GPR107: variants seen among roughly 807,000 people sequenced by gnomAD.
GPR107 encodes protein GPR107.
A neutral mutation model predicts 75.5 loss-of-function variants in GPR107; 31 were observed. The observed-to-expected ratio is 0.41, with a 90% CI of 0.31 to 0.55. The LOEUF (loss-of-function observed/expected upper bound fraction) is 0.55. GPR107 is among the 20% of genes least tolerant of loss of function. The pLI, the probability that GPR107 is intolerant of heterozygous loss-of-function variation, is 0.26. For missense variants in GPR107, 572 were observed against 665.7 expected, an observed-to-expected ratio of 0.86 and a Z score of 1.55; for synonymous variants, 267 against 251.3, an observed-to-expected ratio of 1.06 and a Z score of -0.59.
Position 130,123,192 on chromosome 9 carries a change from G to A in GPR107, c.1307-1723G>A, listed in dbSNP as rs555970306. Among the ~76,000 whole-genome samples, 10 of 152,098 alleles carry A rather than the reference G, an allele frequency of 6.6e-5. No homozygotes were observed. The South Asian group carries it at 2.1e-3, about 32-fold the overall frequency. On this transcript the variant is annotated intron_variant, in intron 14 of 17. Coordinates refer to ENST00000347136, the MANE Select transcript of GPR107 (RefSeq NM_020960.5). ...CAAGTAGCTGGGACCACAGGTACGT[G>A]CCATCACAAACAGCTAAATTTTTTT...
chr9:130,133,462 T>G (rs1380651825), intron 17 of GPR107, among the ~76,000 whole-genome samples: 1 of 152,150 alleles, frequency 6.6e-6, no homozygotes, highest in Non-Finnish European at 1.5e-5. Flanking sequence ...TTCTTTGTGG[T>G]CTCAGTCACT....
intron 1 of GPR107, among the ~76,000 whole-genome samples, chr9:130,071,053 TGAGACA>T (rs1830196607): frequency 6.8e-6 from 1 of 147,044 alleles, no homozygotes; most frequent in Non-Finnish European, 1.5e-5. Flanking sequence ...TTTTTTTTTT[TGAGACA>T]GAGTCACACT....
At chr9:130,108,721 T>C in intron 14 of GPR107, 1 of 456,006 alleles carries the variant, frequency 2.2e-6, no homozygotes, top group East Asian at 7.0e-5. Context: ...TTCTTTCTAG[T>C]CCTGGGAATA....
Position 130,055,972 on chromosome 9 carries a change from A to AATAAATAAATGC in GPR107, c.141+1901_141+1902insAAATAAATGCAT, listed in dbSNP as rs1490935275. Among the ~76,000 whole-genome samples, 5 of 151,592 alleles carry AATAAATAAATGC rather than the reference A, an allele frequency of 3.3e-5. No individual in the cohort carries two copies. The East Asian group carries it at 9.7e-4, about 29-fold the overall frequency. ...AAATAAATAAATAAATAAATAAATA[A>AATAAATAAATGC]ATGCAAGCCTGACTGGATCCATACA... On this transcript the variant is annotated intron_variant, in intron 1 of 17. Transcript: ENST00000347136.
At chr9:130,122,443 C>T (rs537705941) in intron 14 of GPR107, among the ~76,000 whole-genome samples, 33 of 152,302 alleles carry the variant, frequency 2.2e-4, no homozygotes, top group African/African-American at 7.9e-4. Context: ...GTTAAAATCC[C>T]TGGGAGCACT....
intron 14 of GPR107, among the ~76,000 whole-genome samples, chr9:130,111,533 AAAC>A (rs796890093): frequency 4.9e-4 from 74 of 152,162 alleles, no homozygotes; most frequent in African/African-American, 1.5e-3. Flanking sequence ...CCCTATCTCA[AAAC>A]AACAACAACA....
intron 14 of GPR107, among the ~76,000 whole-genome samples, chr9:130,114,051 A>ATTTTTTTTTT (rs35152076): frequency 4.7e-4 from 38 of 81,124 alleles, no homozygotes; most frequent in Non-Finnish European, 6.3e-4. Flanking sequence ...TTTTTTTTTC[A>ATTTTTTTTTT]TTTTTTTTTT....
chr9:130,101,164 A>G lies in GPR107; in HGVS notation c.1072A>G (p.Ile358Val), dbSNP rs772044428. Residue 358 changes from isoleucine to valine, a missense_variant, in exon 12 of 18, where the codon ATT becomes GTT. Physicochemically the swap from Ile to Val is conservative, Grantham distance 29. Transcript: ENST00000347136. Reference protein sequence around the residue: ...IALIGTGWAFIKHILSDKDKK... With the variant: ...IALIGTGWAFVKHILSDKDKK... ...ACTCATTGGCACTGGCTGGGCTTTC[A>G]TTAAGCACATCCTTTCTGATAAAGA... The G allele has an allele frequency of 5.0e-6, 8 of 1,609,788 alleles. 1 individual carries two copies. In the Admixed American group the frequency reaches 1.3e-4, roughly 27 times the overall value.
At chr9:130,071,533 G>A (rs750696479) in intron 1 of GPR107, among the ~76,000 whole-genome samples, 22 of 151,972 alleles carry the variant, frequency 1.4e-4, no homozygotes. Flanking sequence ...CATCGCTACC[G>A]TGGGGCTGCT....
chr9:130,079,547 T>C (rs1830442308), intron 4 of GPR107, 83 bp from the exon 5 acceptor site: 5 of 1,082,030 alleles, frequency 4.6e-6, no homozygotes, highest in Non-Finnish European at 6.7e-6. Flanking sequence ...CTGCATGAGC[T>C]TGGCACAGGG....
intron 12 of GPR107, among the ~76,000 whole-genome samples, chr9:130,102,015 C>G (rs948104526): frequency 2.0e-5 from 3 of 152,136 alleles, no homozygotes; most frequent in African/African-American, 7.2e-5. Context: ...TCCACCCTTA[C>G]GTTCAATAAT....
intron 1 of GPR107, among the ~76,000 whole-genome samples, chr9:130,065,611 G>A (rs1281543939): frequency 6.7e-6 from 1 of 150,108 alleles, no homozygotes; most frequent in African/African-American, 2.5e-5. Flanking sequence ...ACCAAAAAAT[G>A]CAAAAATTAG....
intron 7 of GPR107, among the ~76,000 whole-genome samples, chr9:130,090,219 C>G (rs1379686317): frequency 1.3e-5 from 2 of 152,160 alleles, no homozygotes; most frequent in Non-Finnish European, 2.9e-5. Flanking sequence ...GTCATATTCT[C>G]TAAGTCTGTC....
chr9:130,073,174 G>A (rs1396671919), intron 1 of GPR107, among the ~76,000 whole-genome samples: 2 of 151,990 alleles, frequency 1.3e-5, no homozygotes, highest in Admixed American at 6.6e-5. Flanking sequence ...ATTCATATAC[G>A]TTGTTTTATG....
intron 1 of GPR107, among the ~76,000 whole-genome samples, chr9:130,060,402 G>GGT (rs1442738529): frequency 0.015 from 1,170 of 76,048 alleles, 43 homozygotes; most frequent in African/African-American, 0.067. Flanking sequence ...GATAATCCGA[G>GGT]TTTTTTTTTT....
At chr9:130,107,626 G>A in intron 14 of GPR107, 87 bp downstream of exon 14, 1 of 887,890 alleles carries the variant, frequency 1.1e-6, no homozygotes, top group East Asian at 2.4e-5. Flanking sequence ...GGCAGCCTAT[G>A]GTGTCAAGAT....
At chr9:130,132,024 G>A (rs1017075233) in intron 17 of GPR107, among the ~76,000 whole-genome samples, 1 of 152,194 alleles carries the variant, frequency 6.6e-6, no homozygotes, top group African/African-American at 2.4e-5. Flanking sequence ...TGGGACCACA[G>A]ATGAATGCCA....
chr9:130,084,075 CACAT>C (rs1407226201), intron 6 of GPR107, among the ~76,000 whole-genome samples: 2 of 68,886 alleles, frequency 2.9e-5, no homozygotes, highest in African/African-American at 9.7e-5. Context: ...TATATGTACA[CACAT>C]ACATACATAC....
chr9:130,115,513 C>G (rs1228406064), intron 14 of GPR107, among the ~76,000 whole-genome samples: 1 of 151,788 alleles, frequency 6.6e-6, no homozygotes, highest in Non-Finnish European at 1.5e-5. Context: ...ACCTGTAATC[C>G]CAGCACTTCG....
Sources: gnomAD v4.1 joint callset for allele counts (sites outside exome capture counted in the v4.1 genomes callset) on GRCh38, gnomAD v4.1.1 for gene constraint, MANE v1.5 for transcripts, NCBI Gene and HGNC (gene_info 2026-07-23, HGNC 2026-07-21) for gene names.